TRERF1: variants seen among roughly 807,000 people sequenced by gnomAD.
TRERF1 encodes the protein transcriptional regulating factor 1.
A neutral mutation model predicts 122.9 loss-of-function variants in TRERF1; 27 were observed. The observed-to-expected ratio is 0.22, with a 90% CI of 0.16 to 0.30. The LOEUF (loss-of-function observed/expected upper bound fraction) is 0.30. TRERF1 is among the 10% of genes least tolerant of loss of function. TRERF1 has a pLI of 1.00. For synonymous variants in TRERF1, 636 were observed against 641.7 expected, an observed-to-expected ratio of 0.99 and a Z score of 0.13; for missense variants, 1,248 against 1,560.3, an observed-to-expected ratio of 0.80 and a Z score of 3.37.
chr6:42,425,808 G>A (rs1238288040), intron 2 of TRERF1, among the ~76,000 whole-genome samples: 1 of 151,810 alleles, frequency 6.6e-6, no homozygotes, highest in Admixed American at 6.6e-5. Context: ...CTCCCAAAGT[G>A]CTGGGATTAC....
chr6:42,262,013 C>A (rs1396171568), intron 8 of TRERF1, among the ~76,000 whole-genome samples: 1 of 152,046 alleles, frequency 6.6e-6, no homozygotes, highest in Non-Finnish European at 1.5e-5. Context: ...ACTCTGACCC[C>A]CATGTGACTA....
intron 13 of TRERF1, among the ~76,000 whole-genome samples, chr6:42,254,594 G>A (rs978136545): frequency 2.6e-5 from 4 of 152,116 alleles, no homozygotes; most frequent in East Asian, 3.9e-4. Flanking sequence ...TCATGCACTC[G>A]TCTCCTTGCC....
At chr6:42,337,879 T>C (rs1040427470) in intron 3 of TRERF1, among the ~76,000 whole-genome samples, 4 of 152,254 alleles carry the variant, frequency 2.6e-5, no homozygotes, top group African/African-American at 9.6e-5. Flanking sequence ...GGTCCAAACA[T>C]TGATATTTAT....
chr6:42,315,108 C>T (rs900127569), intron 3 of TRERF1, among the ~76,000 whole-genome samples: 1 of 152,026 alleles, frequency 6.6e-6, no homozygotes, highest in Non-Finnish European at 1.5e-5. Flanking sequence ...GATGAGGCAG[C>T]GTGGTAGGAC....
chr6:42,376,690 A>T (rs1774944066), intron 2 of TRERF1, among the ~76,000 whole-genome samples: 1 of 147,296 alleles, frequency 6.8e-6, no homozygotes, highest in East Asian at 2.0e-4. Flanking sequence ...CTACAGGCAC[A>T]TACCACCACG....
intron 8 of TRERF1, among the ~76,000 whole-genome samples, chr6:42,262,433 G>GT (rs140534118): frequency 8.5e-5 from 1 of 11,780 alleles, no homozygotes; most frequent in Non-Finnish European, 1.7e-4. Flanking sequence ...TTCCCTAGGG[G>GT]CAGAGAGAGA....
intron 5 of TRERF1, among the ~76,000 whole-genome samples, chr6:42,267,916 G>C (rs1779497580): frequency 6.6e-6 from 1 of 152,230 alleles, no homozygotes. Flanking sequence ...GCATGATGTG[G>C]TACTCTGGCC....
chr6:42,376,926 C>T (rs993035796), intron 2 of TRERF1, among the ~76,000 whole-genome samples: 5 of 151,522 alleles, frequency 3.3e-5, no homozygotes, highest in African/African-American at 7.3e-5. Context: ...AGTGCAGTGG[C>T]GCGATCTGAG....
intron 3 of TRERF1, among the ~76,000 whole-genome samples, chr6:42,305,727 A>C (rs2150301240): frequency 6.6e-6 from 1 of 152,254 alleles, no homozygotes; most frequent in East Asian, 1.9e-4. Context: ...ACAGATTTTA[A>C]AAAGAAGAAA....
chr6:42,402,733 G>A (rs1176312260), intron 2 of TRERF1, among the ~76,000 whole-genome samples: 1 of 152,150 alleles, frequency 6.6e-6, no homozygotes, highest in African/African-American at 2.4e-5. Flanking sequence ...CAGACACCAT[G>A]CTAAGTGCCA....
intron 2 of TRERF1, among the ~76,000 whole-genome samples, chr6:42,391,567 C>T (rs935362201): frequency 3.9e-5 from 6 of 152,118 alleles, no homozygotes; most frequent in African/African-American, 1.4e-4. Flanking sequence ...CCTGCCCACA[C>T]CCACCACCCC....
intron 2 of TRERF1, among the ~76,000 whole-genome samples, chr6:42,431,238 T>G (rs1784454789): frequency 6.6e-6 from 1 of 151,984 alleles, no homozygotes; most frequent in East Asian, 1.9e-4. Context: ...AAATACAGGC[T>G]ACTTAACATA....
intron 4 of TRERF1, among the ~76,000 whole-genome samples, chr6:42,289,193 G>A (rs1783839342): frequency 6.6e-6 from 1 of 151,970 alleles, no homozygotes; most frequent in South Asian, 2.1e-4. Context: ...GGGTGTGGTG[G>A]CACATACCTG....
chr6:42,430,475 C>T (rs999492314), intron 2 of TRERF1, among the ~76,000 whole-genome samples: 3 of 152,212 alleles, frequency 2.0e-5, no homozygotes, highest in East Asian at 1.9e-4. Flanking sequence ...ATAAGCCAGG[C>T]GCTATGGCTC....
chr6:42,334,032 T>C (rs529327591), intron 3 of TRERF1, among the ~76,000 whole-genome samples: 2 of 151,732 alleles, frequency 1.3e-5, no homozygotes, highest in Admixed American at 1.3e-4. Context: ...CACACGTATG[T>C]ACACATATAT....
chr6:42,293,317 G>A (rs1267725622), intron 4 of TRERF1, among the ~76,000 whole-genome samples: 1 of 152,206 alleles, frequency 6.6e-6, no homozygotes, highest in Non-Finnish European at 1.5e-5. Context: ...GGGAGGAAGA[G>A]AGAGTTCCAA....
chr6:42,284,754 G>A lies in TRERF1; in HGVS notation c.-258-14906C>T, dbSNP rs145755742. Among the ~76,000 whole-genome samples, 1,358 of 152,258 alleles carry A rather than the reference G, an allele frequency of 8.9e-3. 8 individuals are homozygous for A. The highest frequency in any genetic ancestry group is 0.014 in the Admixed American group (210 of 15,290). ...GCTGGTTAAAGACAGTTCCACCTGC[G>A]TGTGAGTGTGACTTGCTAACTTTAA... On this transcript the variant is annotated intron_variant, in intron 4 of 17. Coordinates refer to ENST00000372922, the Ensembl canonical transcript of TRERF1.
chr6:42,309,011 A>G (rs1787773618), intron 3 of TRERF1, among the ~76,000 whole-genome samples: 1 of 152,136 alleles, frequency 6.6e-6, no homozygotes, highest in South Asian at 2.1e-4. Context: ...TTTACCTAAT[A>G]TATATTTTTT....
chr6:42,416,402 T>C (rs1259442534), intron 2 of TRERF1, among the ~76,000 whole-genome samples: 3 of 152,246 alleles, frequency 2.0e-5, no homozygotes, highest in Admixed American at 6.5e-5. Context: ...ATTATTTCTA[T>C]AGCAGTTTTT....
Sources: allele counts gnomAD v4.1 joint callset (sites outside exome capture counted in the v4.1 genomes callset), GRCh38; gene constraint gnomAD v4.1.1; transcripts MANE v1.5; gene names NCBI Gene and HGNC (gene_info 2026-07-23, HGNC 2026-07-21).